Variants in EPAS1 observed in about 807,000 individuals in gnomAD.
The protein encoded by EPAS1 is endothelial PAS domain protein 1, also known as endothelial PAS domain-containing protein 1.
EPAS1 carries 23 observed loss-of-function variants against 87.9 expected under a neutral mutation model. The observed-to-expected ratio is 0.26, with a 90% CI of 0.19 to 0.37. EPAS1 has a LOEUF of 0.37. Among genes scored for constraint, EPAS1 ranks in the 10% least tolerant of loss-of-function variants. The probability of loss-of-function intolerance (pLI) is 1.00; values close to 1 mark genes in which losing one functional copy is unlikely to be tolerated. For synonymous variants in EPAS1, 508 were observed against 444.3 expected (o/e 1.14, Z -1.80); for missense variants, 1,138 against 1,120.7 (o/e 1.02, Z -0.22).
At chr2:46,372,834 A>C (rs1391839962) in intron 7 of EPAS1, among the ~76,000 whole-genome samples, 1 of 152,266 alleles carries the variant, frequency 6.6e-6, no homozygotes, top group Non-Finnish European at 1.5e-5. Context: ...TGCATTAAGG[A>C]CCATCTAAAT....
chr2:46,364,661 C>T (rs530161389), intron 6 of EPAS1, among the ~76,000 whole-genome samples: 12 of 152,260 alleles, frequency 7.9e-5, no homozygotes, highest in East Asian at 5.8e-4. Flanking sequence ...CAATTCATGT[C>T]GGTCACATTT....
chr2:46,365,939 C>T (rs1427572321), intron 6 of EPAS1, among the ~76,000 whole-genome samples: 1 of 152,238 alleles, frequency 6.6e-6, no homozygotes, highest in African/African-American at 2.4e-5. Flanking sequence ...CTTTGGAAAA[C>T]AAATAGGTGG....
At chr2:46,352,753 G>A (rs1460928050) in intron 2 of EPAS1, among the ~76,000 whole-genome samples, 4 of 152,184 alleles carry the variant, frequency 2.6e-5, no homozygotes, top group Non-Finnish European at 4.4e-5. Context: ...GCCGTCACAG[G>A]GTCCCTGGGG....
intron 15 of EPAS1, 21 bp from the exon 16 acceptor site, chr2:46,384,488 T>C (rs1684966457): frequency 1.9e-6 from 3 of 1,614,244 alleles, no homozygotes; most frequent in East Asian, 4.5e-5. Context: ...CTTTAAGTTA[T>C]GGTACCAACC....
intron 1 of EPAS1, among the ~76,000 whole-genome samples, chr2:46,299,010 C>G (rs929176997): frequency 1.3e-5 from 2 of 152,238 alleles, no homozygotes; most frequent in African/African-American, 4.8e-5. Context: ...AACGCGCGGC[C>G]GGCTGAACCG....
rs76685569 is a variant in EPAS1 at position 46,319,586 on chromosome 2, A to G, written c.26+21649A>G. 7.4e-4 allele frequency among the ~76,000 whole-genome samples: 113 copies of G among 152,304 alleles called. 2 individuals carry two copies. The East Asian group carries it at 0.019, about 25-fold the overall frequency. ...TTTCTGTCTCATCCTTGGAAATTGT[A>G]TATTTTTAAGGCTTGTGATTAGCTT... On this transcript the variant is annotated intron_variant, in intron 1 of 15. Transcript: ENST00000263734.
intron 6 of EPAS1, among the ~76,000 whole-genome samples, chr2:46,361,893 C>T (rs74898705): frequency 0.042 from 6,471 of 152,260 alleles, 271 homozygotes; most frequent in African/African-American, 0.11. Context: ...CCTAACTCCC[C>T]CACCAGCCCT....
intron 6 of EPAS1, among the ~76,000 whole-genome samples, chr2:46,365,129 C>A (rs1225237441): frequency 1.3e-5 from 2 of 152,118 alleles, no homozygotes. Context: ...AGAGGCCAGG[C>A]CTTTCTAATT....
chr2:46,376,233 T>C (rs999232531), intron 8 of EPAS1, among the ~76,000 whole-genome samples: 7 of 152,122 alleles, frequency 4.6e-5, no homozygotes, highest in African/African-American at 1.7e-4. Context: ...GAGGAAGTCA[T>C]TTCTAGTTGT....
intron 1 of EPAS1, among the ~76,000 whole-genome samples, chr2:46,307,226 C>T (rs1400115156): frequency 6.6e-6 from 1 of 152,164 alleles, no homozygotes; most frequent in African/African-American, 2.4e-5. Context: ...TGCCTTGGTG[C>T]CCAGGGTGAA....
chr2:46,381,449 C>T, intron 12 of EPAS1, 147 bp from the exon 13 acceptor site: 4 of 1,314,622 alleles, frequency 3.0e-6, no homozygotes, highest in South Asian at 1.2e-5. Flanking sequence ...CCTGCAGGTG[C>T]ACAGCCTGCC....
chr2:46,298,598 A>T (rs2104832113), intron 1 of EPAS1, among the ~76,000 whole-genome samples: 1 of 152,308 alleles, frequency 6.6e-6, no homozygotes. Context: ...GCGGGGGCAG[A>T]TGGTTCGGTG....
At chr2:46,313,015 G>A (rs1683244502) in intron 1 of EPAS1, among the ~76,000 whole-genome samples, 1 of 152,196 alleles carries the variant, frequency 6.6e-6, no homozygotes, top group African/African-American at 2.4e-5. Context: ...CATCTTATGA[G>A]CAAGACCTAA....
At chr2:46,382,268 A>C (rs1308013660) in intron 14 of EPAS1, among the ~76,000 whole-genome samples, 157 bp from the exon 15 acceptor site, 1 of 151,622 alleles carries the variant, frequency 6.6e-6, no homozygotes, top group African/African-American at 2.4e-5. Context: ...TTCCATCTCC[A>C]CTCTGACTTA....
rs745361760 is a variant in EPAS1, at chr2:46,300,091, T to C, written c.26+2154T>C. 6.7e-6 allele frequency among the ~76,000 whole-genome samples: 1 copy of C among 149,602 alleles called. No individual in the cohort carries two copies. Among genetic ancestry groups the C allele is most frequent in the Admixed American group, 6.6e-5 (1 of 15,254 alleles). On this transcript the variant is annotated intron_variant, in intron 1 of 15. Coordinates refer to ENST00000263734, the MANE Select transcript of EPAS1 (RefSeq NM_001430.5). This position sits in a 1 kb window ranked among gnomAD's most constrained non-coding sequence, Gnocchi z 4.1. The stretch of plus-strand genomic sequence containing the variant: ...CCCTTAAGGGGTTGTCCAATTCCTA[T>C]TGGGCTAATCAGTTTGAGACTCATT...
chr2:46,342,061 C>T (rs537724779), intron 1 of EPAS1, among the ~76,000 whole-genome samples: 32 of 152,252 alleles, frequency 2.1e-4, no homozygotes, highest in African/African-American at 7.0e-4. Flanking sequence ...CCTGGCTACA[C>T]GTGGGGAGCT....
Position 46,375,278 on chromosome 2 carries a change from G to A in EPAS1, c.887-412G>A, listed in dbSNP as rs114529172. ...CACCTGGAGTGCTTGACGGGATGGC[G>A]CTCCTTACCCAGTGTGAAGGGGCTT... On this transcript the variant is annotated intron_variant, in intron 7 of 15. Transcript: ENST00000263734. The surrounding 1 kb of genome is among the most constrained non-coding windows in gnomAD (Gnocchi z 4.1). Among the ~76,000 whole-genome samples, 767 of 151,942 alleles carry A rather than the reference G, an allele frequency of 5.0e-3. 5 individuals carry two copies. Among genetic ancestry groups the A allele is most frequent in the African/African-American group, 0.018 (726 of 41,434 alleles).
intron 1 of EPAS1, among the ~76,000 whole-genome samples, chr2:46,313,608 T>A (rs992562004): frequency 6.6e-6 from 1 of 152,042 alleles, no homozygotes; most frequent in African/African-American, 2.4e-5. Context: ...CGCACCACCA[T>A]GCCAGGCTAA....
intron 1 of EPAS1, among the ~76,000 whole-genome samples, chr2:46,305,986 T>C (rs1009881519): frequency 2.6e-5 from 4 of 152,228 alleles, no homozygotes; most frequent in African/African-American, 9.7e-5. Context: ...GTCTCATTTT[T>C]AGTCCGAGGT....
Sources: gnomAD v4.1 joint callset for allele counts (sites outside exome capture counted in the v4.1 genomes callset) on GRCh38, gnomAD v4.1.1 for gene constraint, Gnocchi (gnomAD v3.1) non-coding constraint, MANE v1.5 for transcripts, NCBI Gene and HGNC (gene_info 2026-07-23, HGNC 2026-07-21) for gene names.